The following PDE9A variants were observed in gnomAD, a reference collection of about 807,000 sequenced individuals.
PDE9A encodes phosphodiesterase 9A, also known as high affinity cGMP-specific 3',5'-cyclic phosphodiesterase 9A.
Under a neutral mutation model 87.4 loss-of-function variants are expected in PDE9A, and 60 were observed. That is an observed-to-expected ratio of 0.69 (90% CI 0.56 to 0.85). The LOEUF is 0.85. Among genes scored for constraint, PDE9A ranks in the 40% least tolerant of loss-of-function variants. PDE9A has a pLI of 0.00. For synonymous variants in PDE9A, 272 were observed against 279.4 expected, an observed-to-expected ratio of 0.97 and a Z score of 0.27; for missense variants, 665 against 779.0, an observed-to-expected ratio of 0.85 and a Z score of 1.74.
chr21:42,769,282 CAG>C (rs1309403284), intron 17 of PDE9A, 127 bp downstream of exon 17: 6 of 801,468 alleles, frequency 7.5e-6, no homozygotes, highest in Non-Finnish European at 1.2e-5. Flanking sequence ...CACACGTACA[CAG>C]ATACACACAG....
At chr21:42,712,682 C>A (rs1486929556) in intron 4 of PDE9A, among the ~76,000 whole-genome samples, 1 of 152,140 alleles carries the variant, frequency 6.6e-6, no homozygotes, top group African/African-American at 2.4e-5. Flanking sequence ...GGTTGGAAGT[C>A]CCCGTCTAAT....
In PDE9A at chr21:42,678,769, C is replaced by G. The variant is rs867686265; in HGVS notation, c.70-7423C>G. Among the ~76,000 whole-genome samples the G allele has an allele frequency of 2.6e-5, 4 of 152,202 alleles. No homozygotes were observed. In the South Asian group the frequency reaches 8.3e-4, roughly 31 times the overall value. ...CAGCATTCTTCCGGCGGCCACCTCC[C>G]GGGGGAAATAGGTGCAGCAGACAGG... On this transcript the variant is annotated intron_variant, in intron 1 of 19. Coordinates refer to ENST00000291539, the MANE Select transcript of PDE9A (RefSeq NM_002606.3).
At chr21:42,697,577 A>G (rs2060213904) in intron 3 of PDE9A, 1 of 870,846 alleles carries the variant, frequency 1.1e-6, no homozygotes, top group Non-Finnish European at 2.0e-6. Flanking sequence ...ACAGCTAGAC[A>G]TTGAGTTCTC....
chr21:42,762,167 C>G lies in PDE9A; in HGVS notation c.1170C>G (p.Phe390Leu), dbSNP rs1410905130. Residue 390 changes from phenylalanine to leucine, a missense_variant, in exon 14 of 20, where the codon TTC (phenylalanine) becomes TTG (leucine). Transcript: ENST00000291539. Reference sequence around the variant, plus strand: ...AGAACCACCACTGCGCCGTGGCCTTCCAGATCCTCGCCGAGCCTGAGTGCA... The same window carrying G: ...AGAACCACCACTGCGCCGTGGCCTTGCAGATCCTCGCCGAGCCTGAGTGCA... ...PLENHHCAVAFQILAEPECNI... is the reference protein window; with the variant it reads ...PLENHHCAVALQILAEPECNI... 2 of 1,614,198 alleles carry G rather than the reference C, an allele frequency of 1.2e-6. No individual in the cohort carries two copies. The highest frequency in any genetic ancestry group is 3.3e-5 in the Admixed American group (2 of 60,030).
intron 1 of PDE9A, among the ~76,000 whole-genome samples, chr21:42,677,278 G>C (rs533970072): frequency 2.0e-4 from 31 of 152,228 alleles, no homozygotes; most frequent in Non-Finnish European, 2.6e-4. Flanking sequence ...AATGTCAGCC[G>C]ATGTAAGCGA....
chr21:42,713,724 C>A (rs999292463), intron 4 of PDE9A, among the ~76,000 whole-genome samples: 2 of 151,234 alleles, frequency 1.3e-5, no homozygotes, highest in South Asian at 4.2e-4. Flanking sequence ...GTATTTTATT[C>A]TTGAAAATCA....
At chr21:42,747,281 C>T (rs567701341) in intron 8 of PDE9A, among the ~76,000 whole-genome samples, 210 of 133,604 alleles carry the variant, frequency 1.6e-3, no homozygotes, top group Admixed American at 4.2e-3. Context: ...GGAACTTCCC[C>T]GGATGACTGG....
At chr21:42,656,300 T>C (rs758538653) in intron 1 of PDE9A, among the ~76,000 whole-genome samples, 4 of 152,234 alleles carry the variant, frequency 2.6e-5, no homozygotes, top group Non-Finnish European at 4.4e-5. Context: ...GTCCTGGCGA[T>C]GGGCACACCC....
intron 4 of PDE9A, among the ~76,000 whole-genome samples, chr21:42,710,646 T>C (rs2146454186): frequency 6.6e-6 from 1 of 152,292 alleles, no homozygotes; most frequent in East Asian, 1.9e-4. Flanking sequence ...TGTTGCTATG[T>C]CTTATTGACT....
At position 42,753,485 on chromosome 21, in the gene PDE9A, C is replaced by A. The variant is rs573445681; in HGVS notation, c.736-505C>A. 4.1e-4 allele frequency among the ~76,000 whole-genome samples: 62 copies of A among 152,314 alleles called. 2 individuals are homozygous for A. Among genetic ancestry groups the A allele is most frequent in the Admixed American group, 4.1e-3 (62 of 15,300 alleles). On this transcript the variant is annotated intron_variant, in intron 9 of 19. Transcript: ENST00000291539. Reference sequence around the variant, plus strand: ...CTCTGCTCCCTCACCCTGCCTCTGGCATCCACCGATGGGATCTCCACCCGT... The same window carrying A: ...CTCTGCTCCCTCACCCTGCCTCTGGAATCCACCGATGGGATCTCCACCCGT...
In PDE9A at chr21:42,670,149, A is replaced by T. The variant is rs376054740; in HGVS notation, c.70-16043A>T. ...CAGGCTCACACATGCTTACACACAC[A>T]TTCACACGCACACACATTCACACGC... On this transcript the variant is annotated intron_variant, in intron 1 of 19. Transcript: ENST00000291539. Among the ~76,000 whole-genome samples the T allele has an allele frequency of 1.1e-3, 164 of 145,452 alleles. 1 individual carries two copies. Among genetic ancestry groups the T allele is most frequent in the African/African-American group, 3.8e-3 (152 of 40,462 alleles).
chr21:42,772,375 A>C (rs764947827), intron 18 of PDE9A, 64 bp from the exon 19 acceptor site: 2 of 1,060,514 alleles, frequency 1.9e-6, no homozygotes, highest in Non-Finnish European at 2.8e-6. Context: ...CTGCTGGGAG[A>C]GAGGCAGACA....
chr21:42,710,391 AGAGC>A (rs1370866800), intron 4 of PDE9A, among the ~76,000 whole-genome samples: 2 of 147,906 alleles, frequency 1.4e-5, no homozygotes, highest in South Asian at 4.3e-4. Flanking sequence ...TCTGGGCGAC[AGAGC>A]GAGACTCCAT....
At chr21:42,654,563 C>CT (rs1280403416) in intron 1 of PDE9A, among the ~76,000 whole-genome samples, 1 of 152,190 alleles carries the variant, frequency 6.6e-6, no homozygotes, top group Non-Finnish European at 1.5e-5. Context: ...CTCTCATGAG[C>CT]TCCCCCTAAA....
chr21:42,758,533 T>C (rs1387668651), intron 10 of PDE9A: 4 of 153,158 alleles, frequency 2.6e-5, no homozygotes, highest in African/African-American at 9.6e-5. Context: ...GGCCTTTCTC[T>C]CTGTGATGCC....
chr21:42,730,250 A>G (rs2051580926), intron 4 of PDE9A, among the ~76,000 whole-genome samples: 1 of 152,162 alleles, frequency 6.6e-6, no homozygotes, highest in South Asian at 2.1e-4. Context: ...CTATGGCTGT[A>G]TGAAAATTTT....
chr21:42,763,380 G>A (rs879836799), intron 14 of PDE9A, among the ~76,000 whole-genome samples: 24 of 152,096 alleles, frequency 1.6e-4, no homozygotes, highest in African/African-American at 3.9e-4. Flanking sequence ...GTCCTTGGAC[G>A]AGGAGACAGA....
chr21:42,760,787 G>T lies in PDE9A; in HGVS notation c.1003-38G>T. 8.6e-7 allele frequency: 1 copy of T among 1,168,884 alleles called. No homozygotes were observed. The highest frequency in any genetic ancestry group is 1.3e-6 in the Non-Finnish European group (1 of 776,670). 72.4% of individuals were successfully genotyped at this position (1,168,884 alleles called of 1,614,324 possible). On this transcript the variant is annotated intron_variant, in intron 12 of 19. Transcript: ENST00000291539. This position sits in a 1 kb window ranked among gnomAD's most constrained non-coding sequence, Gnocchi z 5.2. ...CCTCACCCCATCCCACCCTCCGAGT[G>T]AAGAGAGCAAACACCTACGCCCTGT...
At chr21:42,689,811 C>A in intron 3 of PDE9A, 1 of 985,386 alleles carries the variant, frequency 1.0e-6, no homozygotes, top group Non-Finnish European at 1.2e-6. Context: ...GAGACAGAGA[C>A]AGATGAGGTA....
Sources: allele counts gnomAD v4.1 joint callset (sites outside exome capture counted in the v4.1 genomes callset), GRCh38; gene constraint gnomAD v4.1.1; non-coding constraint Gnocchi (gnomAD v3.1); transcripts MANE v1.5; gene names NCBI Gene and HGNC (gene_info 2026-07-23, HGNC 2026-07-21).